FOXJ3: variants seen among roughly 807,000 people sequenced by gnomAD.
FOXJ3 encodes forkhead box protein J3.
FOXJ3 carries 22 observed loss-of-function variants against 76.1 expected under a neutral mutation model. The observed-to-expected ratio is 0.29, with a 90% CI of 0.21 to 0.41. FOXJ3 has a LOEUF of 0.41. Among genes scored for constraint, FOXJ3 ranks in the 10% least tolerant of loss-of-function variants. The pLI is 1.00. For synonymous variants in FOXJ3, 269 were observed against 261.2 expected (o/e 1.03, Z -0.29); for missense variants, 613 against 762.1 (o/e 0.80, Z 2.30).
rs71065112 is a variant in FOXJ3 at position 42,280,438 on chromosome 1, TAAAAAAAAAAAAAA to T, written c.45-1780_45-1767del. Reference sequence around the variant, plus strand: ...ATCCATATAGCATCTTCAGAGATCTTAAAAAAAAAAAAAAAAAAAAAAAAAAAACTTACTATCCT... The same window carrying T: ...ATCCATATAGCATCTTCAGAGATCTTAAAAAAAAAAAAAACTTACTATCCT... On this transcript the variant is annotated intron_variant, in intron 2 of 12. Transcript: ENST00000361346. The T allele has an allele frequency of 2.3e-3, 180 of 77,580 alleles. 2 individuals carry two copies. Among genetic ancestry groups the T allele is most frequent in the Middle Eastern group, 0.011 (1 of 94 alleles). 4.8% of individuals were successfully genotyped at this position (77,580 alleles called of 1,614,324 possible).
chr1:42,269,597 G>A (rs79356797), intron 3 of FOXJ3, among the ~76,000 whole-genome samples: 3,471 of 152,120 alleles, frequency 0.023, 136 homozygotes, highest in African/African-American at 0.08. Flanking sequence ...ACTATCAACT[G>A]CACATCTCCA....
intron 11 of FOXJ3, among the ~76,000 whole-genome samples, chr1:42,183,564 T>C (rs766580745): frequency 2.6e-5 from 4 of 151,904 alleles, no homozygotes; most frequent in Non-Finnish European, 5.9e-5. Flanking sequence ...ATAAAAGCGG[T>C]TCACATTGTA....
chr1:42,320,153 G>T (rs1316242577), intron 1 of FOXJ3, among the ~76,000 whole-genome samples: 1 of 152,094 alleles, frequency 6.6e-6, no homozygotes, highest in Non-Finnish European at 1.5e-5. Flanking sequence ...GGAAATATAC[G>T]TAACTGCCTC....
chr1:42,284,952 C>T (rs1336724435), intron 2 of FOXJ3, among the ~76,000 whole-genome samples: 2 of 152,158 alleles, frequency 1.3e-5, no homozygotes, highest in Non-Finnish European at 2.9e-5. Context: ...TCATCAACTA[C>T]TTCAAAACTG....
chr1:42,322,573 T>C (rs867683272), intron 1 of FOXJ3, among the ~76,000 whole-genome samples: 1 of 152,106 alleles, frequency 6.6e-6, no homozygotes, highest in Non-Finnish European at 1.5e-5. Flanking sequence ...GCAGTTGGAT[T>C]AAAGTTGTTT....
intron 6 of FOXJ3, among the ~76,000 whole-genome samples, chr1:42,201,192 G>T (rs1646758344): frequency 6.6e-6 from 1 of 152,026 alleles, no homozygotes; most frequent in African/African-American, 2.4e-5. Flanking sequence ...ATCATCTGTG[G>T]CAACTTTATT....
intron 6 of FOXJ3, among the ~76,000 whole-genome samples, chr1:42,201,344 T>A (rs900974700): frequency 6.6e-6 from 1 of 152,240 alleles, no homozygotes; most frequent in Non-Finnish European, 1.5e-5. Context: ...TTTTCAGTAT[T>A]TCACCATTTA....
intron 4 of FOXJ3, among the ~76,000 whole-genome samples, chr1:42,240,932 C>T (rs1231823439): frequency 6.6e-6 from 1 of 152,176 alleles, no homozygotes; most frequent in Non-Finnish European, 1.5e-5. Context: ...GGCACCTGCA[C>T]TTAGAAAAAC....
At chr1:42,222,595 A>G (rs960444856) in intron 5 of FOXJ3, among the ~76,000 whole-genome samples, 2 of 152,216 alleles carry the variant, frequency 1.3e-5, no homozygotes, top group East Asian at 3.8e-4. Flanking sequence ...ATGAATTTTT[A>G]TAATGCAAAT....
intron 5 of FOXJ3, among the ~76,000 whole-genome samples, chr1:42,221,380 A>G (rs886654975): frequency 6.6e-6 from 1 of 152,226 alleles, no homozygotes; most frequent in Non-Finnish European, 1.5e-5. Context: ...GGGGGGATCA[A>G]AGAATGAATA....
chr1:42,273,484 G>T (rs1177043302), intron 3 of FOXJ3, among the ~76,000 whole-genome samples: 1 of 151,882 alleles, frequency 6.6e-6, no homozygotes, highest in Non-Finnish European at 1.5e-5. Context: ...AACCAGCCTG[G>T]CCAACATGGT....
chr1:42,198,225 T>G (rs1646690972), intron 7 of FOXJ3, among the ~76,000 whole-genome samples: 1 of 152,228 alleles, frequency 6.6e-6, no homozygotes, highest in Non-Finnish European at 1.5e-5. Flanking sequence ...ATTTTCTTTC[T>G]TCTCCATTGT....
intron 6 of FOXJ3, among the ~76,000 whole-genome samples, chr1:42,205,115 T>C (rs1378098898): frequency 1.3e-5 from 2 of 152,096 alleles, no homozygotes; most frequent in African/African-American, 2.4e-5. Flanking sequence ...AGAAAACAGA[T>C]GAACAAAACT....
chr1:42,302,443 C>T (rs1353038807), intron 2 of FOXJ3, among the ~76,000 whole-genome samples: 1 of 152,240 alleles, frequency 6.6e-6, no homozygotes, highest in Admixed American at 6.5e-5. Context: ...ACAGGTGGGT[C>T]CAGACCAGGC....
chr1:42,258,435 T>C (rs1047846125), intron 4 of FOXJ3, among the ~76,000 whole-genome samples: 1 of 152,156 alleles, frequency 6.6e-6, no homozygotes, highest in Non-Finnish European at 1.5e-5. Flanking sequence ...TTCTCAGAAG[T>C]TTCTAGCTTG....
intron 2 of FOXJ3, among the ~76,000 whole-genome samples, chr1:42,296,882 T>C (rs1437687093): frequency 6.6e-6 from 1 of 152,240 alleles, no homozygotes; most frequent in African/African-American, 2.4e-5. Flanking sequence ...AATCTGTAGA[T>C]TGCTTTGAAT....
intron 5 of FOXJ3, among the ~76,000 whole-genome samples, chr1:42,222,164 C>G (rs974070669): frequency 6.6e-6 from 1 of 151,416 alleles, no homozygotes; most frequent in African/African-American, 2.4e-5. Context: ...CATGCTCAGT[C>G]AACCATACTG....
chr1:42,331,360 C>A (rs528862572), intron 1 of FOXJ3, among the ~76,000 whole-genome samples: 3 of 151,664 alleles, frequency 2.0e-5, no homozygotes, highest in Non-Finnish European at 4.4e-5. Context: ...CCAGCCTAGG[C>A]GACAGAGAGA....
intron 5 of FOXJ3, among the ~76,000 whole-genome samples, chr1:42,220,010 TCAGA>T (rs1448714696): frequency 1.3e-5 from 2 of 152,214 alleles, no homozygotes; most frequent in African/African-American, 2.4e-5. Context: ...CTTTAAATGT[TCAGA>T]CAGTTTACAT....
Sources: allele counts gnomAD v4.1 joint callset (sites outside exome capture counted in the v4.1 genomes callset), GRCh38; gene constraint gnomAD v4.1.1; transcripts MANE v1.5; gene names NCBI Gene and HGNC (gene_info 2026-07-23, HGNC 2026-07-21).